ZMAT4: variants seen among roughly 807,000 people sequenced by gnomAD.
ZMAT4 encodes zinc finger matrin-type 4.
A neutral mutation model predicts 28.7 loss-of-function variants in ZMAT4; 17 were observed. The observed-to-expected ratio is 0.59, with a 90% CI of 0.41 to 0.89. The LOEUF (loss-of-function observed/expected upper bound fraction) is 0.89, where lower values mean the gene tolerates loss of function less well. ZMAT4 is among the 40% of genes least tolerant of loss of function. The pLI, the probability that ZMAT4 is intolerant of heterozygous loss-of-function variation, is 0.00. For missense variants in ZMAT4, 240 were observed against 283.8 expected (o/e 0.85, Z 1.11); for synonymous variants, 117 against 109.2 (o/e 1.07, Z -0.44).
In ZMAT4 at chr8:40,674,724, AG is replaced by A. The variant is rs1563403653; in HGVS notation, c.556del (p.Leu186TrpfsTer6). The A allele has an allele frequency of 6.2e-7, 1 of 1,613,892 alleles. No homozygotes were observed. Among genetic ancestry groups the A allele is most frequent in the Admixed American group, 1.7e-5 (1 of 59,990 alleles). On this transcript the variant is annotated frameshift_variant, in exon 5 of 7. Transcript: ENST00000297737. LOFTEE classifies it high-confidence loss of function. The stretch of plus-strand genomic sequence containing the variant: ...CTTACCTCTCAGTTCCCCCATATCC[AG>A]GGTTGTCCCCAGTTGTTCTAACAAA... ...VALLEQLGTT[L>X]DMGELRGLRR...
intron 5 of ZMAT4, among the ~76,000 whole-genome samples, chr8:40,592,535 G>T (rs1348808363): frequency 6.6e-6 from 1 of 152,178 alleles, no homozygotes; most frequent in Non-Finnish European, 1.5e-5. Flanking sequence ...TAGTATATAT[G>T]CAAAGCTTTG....
intron 5 of ZMAT4, among the ~76,000 whole-genome samples, chr8:40,646,393 T>A (rs1277818868): frequency 6.6e-6 from 1 of 151,990 alleles, no homozygotes; most frequent in Non-Finnish European, 1.5e-5. Flanking sequence ...TACTTTAACT[T>A]TTTATTCTAC....
intron 5 of ZMAT4, among the ~76,000 whole-genome samples, chr8:40,615,669 C>A (rs1188699545): frequency 6.6e-6 from 1 of 152,144 alleles, no homozygotes; most frequent in African/African-American, 2.4e-5. Context: ...CGCTTCATTT[C>A]ATTCATTTGA....
At chr8:40,647,515 G>T (rs1331498450) in intron 5 of ZMAT4, among the ~76,000 whole-genome samples, 1 of 152,178 alleles carries the variant, frequency 6.6e-6, no homozygotes, top group Non-Finnish European at 1.5e-5. Flanking sequence ...GCCCACCATT[G>T]CCCAGGCTTG....
chr8:40,595,088 A>G (rs1257694221), intron 5 of ZMAT4, among the ~76,000 whole-genome samples: 1 of 152,238 alleles, frequency 6.6e-6, no homozygotes, highest in African/African-American at 2.4e-5. Flanking sequence ...GCAAAAGGAT[A>G]TATTGAAAAT....
intron 1 of ZMAT4, among the ~76,000 whole-genome samples, chr8:40,856,662 A>C (rs1410240334): frequency 6.6e-6 from 1 of 152,216 alleles, no homozygotes; most frequent in Admixed American, 6.5e-5. Flanking sequence ...ATGTTGTCAT[A>C]AAGGATGTCA....
At chr8:40,813,180 T>C (rs1395249120) in intron 2 of ZMAT4, among the ~76,000 whole-genome samples, 1 of 151,636 alleles carries the variant, frequency 6.6e-6, no homozygotes, top group Non-Finnish European at 1.5e-5. Flanking sequence ...AAAAATTATG[T>C]AAAAAAAATC....
intron 4 of ZMAT4, among the ~76,000 whole-genome samples, chr8:40,682,151 C>T (rs980997057): frequency 2.0e-5 from 3 of 152,096 alleles, no homozygotes; most frequent in African/African-American, 7.2e-5. Flanking sequence ...TGGATATATA[C>T]TCCCCCATGT....
chr8:40,713,754 C>G (rs113369301), intron 3 of ZMAT4, among the ~76,000 whole-genome samples: 6 of 151,432 alleles, frequency 4.0e-5, no homozygotes, highest in African/African-American at 1.5e-4. Flanking sequence ...ACTAAAAACA[C>G]AAAAATTAGC....
chr8:40,668,205 C>CTCA (rs1485637717), intron 5 of ZMAT4, among the ~76,000 whole-genome samples: 4 of 152,088 alleles, frequency 2.6e-5, no homozygotes, highest in Non-Finnish European at 4.4e-5. Context: ...GGCGCAGTGG[C>CTCA]TCATGTCTGC....
chr8:40,775,371 G>C (rs546048758), intron 2 of ZMAT4, among the ~76,000 whole-genome samples: 1 of 152,352 alleles, frequency 6.6e-6, no homozygotes, highest in South Asian at 2.1e-4. Context: ...ACAGACCAGA[G>C]ATAGTCCTAA....
intron 5 of ZMAT4, among the ~76,000 whole-genome samples, chr8:40,613,237 C>T (rs1319532933): frequency 8.3e-6 from 1 of 120,590 alleles, no homozygotes; most frequent in Non-Finnish European, 1.6e-5. Context: ...GGCTGGAGTA[C>T]AGCAGTGGGA....
At chr8:40,695,459 C>T (rs1809837875) in intron 4 of ZMAT4, among the ~76,000 whole-genome samples, 1 of 152,224 alleles carries the variant, frequency 6.6e-6, no homozygotes. Flanking sequence ...TGGCGCAAGG[C>T]AGGCCCAACC....
intron 2 of ZMAT4, among the ~76,000 whole-genome samples, chr8:40,822,940 A>G (rs1302322639): frequency 6.6e-6 from 1 of 152,230 alleles, no homozygotes; most frequent in Non-Finnish European, 1.5e-5. Context: ...AAACAATTAG[A>G]TTGTGCAACA....
intron 6 of ZMAT4, among the ~76,000 whole-genome samples, chr8:40,550,380 G>A (rs1803330778): frequency 6.6e-6 from 1 of 152,086 alleles, no homozygotes; most frequent in Admixed American, 6.6e-5. Context: ...TCTCTCACAG[G>A]TGTTTTCCAT....
In ZMAT4 at chr8:40,637,476, A is replaced by G. The variant is rs1212429924; in HGVS notation, c.577+37228T>C. ...ACTTCAACCAAGGCATTAATAGGTA[A>G]TTCCTTCAAGTTGTGCACCTACCAC... On this transcript the variant is annotated intron_variant, in intron 5 of 6. Transcript: ENST00000297737. Among the ~76,000 whole-genome samples, 3 of 152,284 alleles carry G rather than the reference A, an allele frequency of 2.0e-5. No individual in the cohort carries two copies. In the East Asian group the frequency reaches 5.8e-4, roughly 29 times the overall value.
rs181225541 is a variant in ZMAT4 at position 40,807,823 on chromosome 8, A to T, written c.102+17752T>A. On this transcript the variant is annotated intron_variant, in intron 2 of 6. Coordinates refer to ENST00000297737, the MANE Select transcript of ZMAT4 (RefSeq NM_024645.3). The stretch of plus-strand genomic sequence containing the variant: ...TGATTAGTCCATAATTAGCATCACC[A>T]ATATCAATTATCTCAGCAATGCCAA... Among the ~76,000 whole-genome samples, 469 of 152,368 alleles carry T rather than the reference A, an allele frequency of 3.1e-3. 2 individuals carry two copies. The highest frequency in any genetic ancestry group is 0.011 in the African/African-American group (458 of 41,594).
At chr8:40,701,777 C>G in intron 3 of ZMAT4, among the ~76,000 whole-genome samples, 1 of 152,050 alleles carries the variant, frequency 6.6e-6, no homozygotes, top group East Asian at 1.9e-4. Context: ...CTTGGCCTCC[C>G]AAAGTGCTGG....
intron 6 of ZMAT4, among the ~76,000 whole-genome samples, chr8:40,571,147 T>C (rs1317519782): frequency 2.0e-5 from 3 of 151,994 alleles, no homozygotes; most frequent in Non-Finnish European, 4.4e-5. Flanking sequence ...AGCTAAACAA[T>C]ATTAAGTGTC....
Sources: gnomAD v4.1 joint callset for allele counts (sites outside exome capture counted in the v4.1 genomes callset) on GRCh38, gnomAD v4.1.1 for gene constraint, MANE v1.5 for transcripts, NCBI Gene and HGNC (gene_info 2026-07-23, HGNC 2026-07-21) for gene names.